The following RALYL variants were observed in gnomAD, a reference collection of about 807,000 sequenced individuals.
RALYL encodes RALY RNA binding protein like.
In RALYL, 29 loss-of-function variants were observed where a neutral mutation model predicts 35.1. The ratio of observed to expected loss-of-function variants is 0.83; its 90% CI spans 0.61 to 1.13. RALYL has a LOEUF of 1.13. RALYL is among the 50% of genes most tolerant of loss of function. RALYL has a pLI of 0.00. For missense variants in RALYL, 359 were observed against 360.4 expected (o/e 1.00, Z 0.03); for synonymous variants, 120 against 127.6 (o/e 0.94, Z 0.40).
chr8:84,717,007 T>C (rs1440490237), intron 2 of RALYL, among the ~76,000 whole-genome samples: 2 of 151,884 alleles, frequency 1.3e-5, no homozygotes, highest in African/African-American at 4.8e-5. Flanking sequence ...ACCAACATGG[T>C]AAAACCCTCT....
At chr8:84,369,717 A>G (rs1855281314) in intron 1 of RALYL, among the ~76,000 whole-genome samples, 1 of 152,194 alleles carries the variant, frequency 6.6e-6, no homozygotes, top group South Asian at 2.1e-4. Flanking sequence ...AATAAATGAT[A>G]CTAGTGAATA....
chr8:84,722,454 CCT>C (rs1844106910), intron 2 of RALYL, among the ~76,000 whole-genome samples: 2 of 151,352 alleles, frequency 1.3e-5, no homozygotes, highest in East Asian at 3.9e-4. Flanking sequence ...GGTAGTTTAT[CCT>C]CTTTCTGGGT....
At chr8:84,787,172 C>A (rs1434226026) in intron 3 of RALYL, among the ~76,000 whole-genome samples, 3 of 151,894 alleles carry the variant, frequency 2.0e-5, no homozygotes, top group African/African-American at 7.3e-5. Context: ...CCCCCACCCC[C>A]AAACAGACCC....
At chr8:84,225,442 G>C (rs954308995) in intron 1 of RALYL, among the ~76,000 whole-genome samples, 1 of 152,134 alleles carries the variant, frequency 6.6e-6, no homozygotes, top group Admixed American at 6.6e-5. Flanking sequence ...CTTTGCAGTG[G>C]CTTACAAGGC....
chr8:84,402,077 T>G (rs1020733785), intron 1 of RALYL, among the ~76,000 whole-genome samples: 3 of 152,100 alleles, frequency 2.0e-5, no homozygotes, highest in Non-Finnish European at 4.4e-5. Flanking sequence ...CAATGGCAAA[T>G]TGAGAAAAAT....
At position 84,315,847 on chromosome 8, in the gene RALYL, G is replaced by T. The variant is rs1198535760; in HGVS notation, c.-24+131423G>T. Among the ~76,000 whole-genome samples the T allele has an allele frequency of 5.9e-5, 9 of 151,352 alleles. No homozygotes were observed. In the East Asian group the frequency reaches 1.5e-3, roughly 26 times the overall value. ...AAAAAAAAAAACTTTCTGAATCAAGGACACAAATATTAAAATTGTATTGAA... is the reference window on the plus strand; with the variant it reads ...AAAAAAAAAAACTTTCTGAATCAAGTACACAAATATTAAAATTGTATTGAA... On this transcript the variant is annotated intron_variant, in intron 1 of 8. Coordinates refer to ENST00000521268, the MANE Select transcript of RALYL (RefSeq NM_173848.7).
At chr8:84,194,361 T>G (rs1814703233) in intron 1 of RALYL, among the ~76,000 whole-genome samples, 1 of 152,174 alleles carries the variant, frequency 6.6e-6, no homozygotes, top group Admixed American at 6.5e-5. Context: ...TTTTTTTCAT[T>G]TGTGACTTCT....
At chr8:84,851,487 TA>T (rs1324407209) in intron 5 of RALYL, among the ~76,000 whole-genome samples, 3 of 152,180 alleles carry the variant, frequency 2.0e-5, no homozygotes, top group African/African-American at 7.2e-5. Context: ...ATTACGGGAT[TA>T]AAAAATGAGG....
intron 3 of RALYL, among the ~76,000 whole-genome samples, chr8:84,787,470 T>G (rs1819812145): frequency 6.6e-6 from 1 of 152,212 alleles, no homozygotes; most frequent in Non-Finnish European, 1.5e-5. Context: ...TGAACAGTGC[T>G]GCAGTAAACA....
At chr8:84,311,925 A>G (rs73306917) in intron 1 of RALYL, among the ~76,000 whole-genome samples, 7,202 of 152,250 alleles carry the variant, frequency 0.047, 264 homozygotes, top group African/African-American at 0.083. Flanking sequence ...TACAATAAAC[A>G]GTGTTGGAAC....
chr8:84,737,291 T>A (rs114804334), intron 2 of RALYL, among the ~76,000 whole-genome samples: 2,783 of 152,188 alleles, frequency 0.018, 83 homozygotes, highest in African/African-American at 0.063. Context: ...AAATCCTTAA[T>A]TTCATTGTAA....
chr8:84,634,324 C>G lies in RALYL; in HGVS notation c.256+104747C>G, dbSNP rs558494832. Among the ~76,000 whole-genome samples the G allele has an allele frequency of 4.6e-5, 7 of 151,940 alleles. No individual in the cohort carries two copies. The South Asian group carries it at 8.3e-4, about 18-fold the overall frequency. On this transcript the variant is annotated intron_variant, in intron 2 of 8. Transcript: ENST00000521268. ...TTCCCCTGTCTTTGTGTCTGCCTTT[C>G]AAAGGCCTGTGCTCTGCATTTATGA...
At chr8:84,266,915 G>T (rs950234102) in intron 1 of RALYL, among the ~76,000 whole-genome samples, 2 of 145,906 alleles carry the variant, frequency 1.4e-5, no homozygotes, top group Non-Finnish European at 3.0e-5. Flanking sequence ...AGCCGAGATC[G>T]CGCCACTGCA....
At chr8:84,660,268 C>T (rs1830662146) in intron 2 of RALYL, among the ~76,000 whole-genome samples, 3 of 151,854 alleles carry the variant, frequency 2.0e-5, no homozygotes, top group Admixed American at 2.0e-4. Context: ...ATTTATATTA[C>T]TTTTTTATTT....
At chr8:84,523,512 T>C (rs2058634367) in intron 1 of RALYL, among the ~76,000 whole-genome samples, 2 of 151,758 alleles carry the variant, frequency 1.3e-5, no homozygotes, top group Non-Finnish European at 2.9e-5. Flanking sequence ...TATTTTTTTA[T>C]TTTTTTATTT....
intron 2 of RALYL, among the ~76,000 whole-genome samples, chr8:84,718,861 G>T (rs1843375486): frequency 6.6e-6 from 1 of 152,082 alleles, no homozygotes. Context: ...TTACTTTGAA[G>T]GTTCATTTGT....
chr8:84,356,216 C>G (rs892612393), intron 1 of RALYL, among the ~76,000 whole-genome samples: 2 of 150,348 alleles, frequency 1.3e-5, no homozygotes, highest in Non-Finnish European at 3.0e-5. Flanking sequence ...TTGGGTGGTT[C>G]TTTATAGCAA....
At chr8:84,555,137 G>A (rs1163531609) in intron 2 of RALYL, among the ~76,000 whole-genome samples, 4 of 152,096 alleles carry the variant, frequency 2.6e-5, no homozygotes, top group African/African-American at 9.7e-5. Flanking sequence ...AAATTAGCCG[G>A]GCGTGGTGGC....
chr8:84,402,859 G>T (rs1175594790), intron 1 of RALYL, among the ~76,000 whole-genome samples: 1 of 152,138 alleles, frequency 6.6e-6, no homozygotes, highest in South Asian at 2.1e-4. Context: ...CATTCTAACT[G>T]GTGTGAGATG....
Sources: allele counts gnomAD v4.1 joint callset (sites outside exome capture counted in the v4.1 genomes callset), GRCh38; gene constraint gnomAD v4.1.1; transcripts MANE v1.5; gene names NCBI Gene and HGNC (gene_info 2026-07-23, HGNC 2026-07-21).